ZFP91: variants seen among roughly 807,000 people sequenced by gnomAD.
The protein encoded by ZFP91 is ZFP91 zinc finger protein, atypical E3 ubiquitin ligase.
ZFP91 carries 7 observed loss-of-function variants against 63.5 expected under a neutral mutation model. That is an observed-to-expected ratio of 0.11 (90% confidence interval 0.06 to 0.21). The LOEUF (loss-of-function observed/expected upper bound fraction) is 0.21, where lower values mean the gene tolerates loss of function less well. Ranked by LOEUF, ZFP91 falls within the 10% of genes least tolerant of loss-of-function variation. The pLI is 1.00. For missense variants in ZFP91, 628 were observed against 736.6 expected (o/e 0.85, Z 1.71); for synonymous variants, 330 against 272.1 (o/e 1.21, Z -2.10).
At chr11:58,608,548 C>T (rs947068956) in intron 2 of ZFP91, among the ~76,000 whole-genome samples, 2 of 152,014 alleles carry the variant, frequency 1.3e-5, no homozygotes, top group African/African-American at 2.4e-5. Flanking sequence ...TGGTGTCATG[C>T]TATCGTTTTC....
chr11:58,610,828 A>T, intron 4 of ZFP91, 122 bp from the exon 5 acceptor site: 1 of 731,080 alleles, frequency 1.4e-6, no homozygotes, highest in Non-Finnish European at 2.1e-6. Context: ...TTAGGTCATT[A>T]GGATGAAAAT....
chr11:58,594,342 A>G (rs1202368370), intron 2 of ZFP91, among the ~76,000 whole-genome samples: 1 of 152,188 alleles, frequency 6.6e-6, no homozygotes, highest in Non-Finnish European at 1.5e-5. Flanking sequence ...AGAGTTCACC[A>G]TATTTATTTA....
intron 1 of ZFP91, among the ~76,000 whole-genome samples, chr11:58,582,426 G>A (rs528825413): frequency 2.0e-5 from 3 of 152,200 alleles, no homozygotes; most frequent in South Asian, 2.1e-4. Context: ...TTACTTGTTC[G>A]CGCTAGTCCT....
chr11:58,593,519 G>A (rs1356119395), intron 2 of ZFP91, among the ~76,000 whole-genome samples: 2 of 152,120 alleles, frequency 1.3e-5, no homozygotes, highest in Non-Finnish European at 2.9e-5. Context: ...AACTGCTGCT[G>A]GAAGAGAGAA....
At chr11:58,579,729 C>A in intron 1 of ZFP91, 107 bp downstream of exon 1, 1 of 1,101,562 alleles carries the variant, frequency 9.1e-7, no homozygotes, top group Non-Finnish European at 1.2e-6. Flanking sequence ...TGGTCTGCCC[C>A]CTGCCGGCTC....
chr11:58,590,473 C>T (rs1855285490), intron 2 of ZFP91, among the ~76,000 whole-genome samples: 2 of 152,092 alleles, frequency 1.3e-5, no homozygotes, highest in Admixed American at 1.3e-4. Flanking sequence ...TTCCAAAATC[C>T]TGAAGGCAGT....
intron 2 of ZFP91, among the ~76,000 whole-genome samples, chr11:58,595,966 A>G (rs546022386): frequency 1.3e-5 from 2 of 152,246 alleles, no homozygotes; most frequent in Admixed American, 6.5e-5. Flanking sequence ...CTTGAACAAC[A>G]TGGTAGGGTT....
chr11:58,587,579 T>C (rs1428242668), intron 2 of ZFP91, among the ~76,000 whole-genome samples: 1 of 152,170 alleles, frequency 6.6e-6, no homozygotes, highest in Non-Finnish European at 1.5e-5. Context: ...TCCAAGAGTG[T>C]TAGTAGAAAT....
Position 58,617,742 on chromosome 11 carries a change from C to T in ZFP91, c.*36C>T, listed in dbSNP as rs201747536. The T allele has an allele frequency of 1.7e-5, 25 of 1,447,050 alleles. No individual in the cohort carries two copies. The highest frequency in any genetic ancestry group is 2.3e-5 in the Non-Finnish European group (25 of 1,101,086). 89.6% of individuals were successfully genotyped at this position (1,447,050 alleles called of 1,614,324 possible). On this transcript the variant is annotated 3_prime_UTR_variant, in exon 11 of 11. Coordinates refer to ENST00000316059, the MANE Select transcript of ZFP91 (RefSeq NM_053023.5). The surrounding 1 kb of genome is among the most constrained non-coding windows in gnomAD (Gnocchi z 4.2). ...GACTTGGGGCATGGGACAGCTCAGA[C>T]TTTGTATTTAAAAGTTAAAAAGGAC...
chr11:58,619,582 C>T lies in ZFP91; in HGVS notation c.*1876C>T, dbSNP rs1855812418. ...AAAGAGGAGTAACAAAATGTCATTT[C>T]TGAAAGAGGCTTACTTTATACCAAC... On this transcript the variant is annotated 3_prime_UTR_variant, in exon 11 of 11. Coordinates refer to ENST00000316059, the MANE Select transcript of ZFP91 (RefSeq NM_053023.5). The T allele has an allele frequency of 6.6e-6, 1 of 152,404 alleles. No individual in the cohort carries two copies. Among genetic ancestry groups the T allele is most frequent in the Admixed American group, 6.6e-5 (1 of 15,252 alleles). The allele number at this position is 152,404 out of a possible 1,614,324, so 9.4% of individuals were successfully genotyped here. A position where few individuals can be genotyped will look rare whatever the true frequency, so the allele number is the denominator to read the frequency against.
intron 2 of ZFP91, among the ~76,000 whole-genome samples, chr11:58,597,939 G>C (rs1039318497): frequency 2.6e-5 from 4 of 152,042 alleles, no homozygotes; most frequent in African/African-American, 9.7e-5. Flanking sequence ...TGTTAGTCAA[G>C]GTTTCAGGTA....
In ZFP91 at chr11:58,619,339, G is replaced by A. The variant is rs1357060200; in HGVS notation, c.*1633G>A. On this transcript the variant is annotated 3_prime_UTR_variant, in exon 11 of 11. Transcript: ENST00000316059. ...TTTGTACAAGGTCATACCGCCAGAAGCCCCAAATCCTATTTTGGCTCATCT... is the reference window on the plus strand; with the variant it reads ...TTTGTACAAGGTCATACCGCCAGAAACCCCAAATCCTATTTTGGCTCATCT... The A allele has an allele frequency of 2.0e-5, 3 of 152,164 alleles. No homozygotes were observed. Among genetic ancestry groups the A allele is most frequent in the Non-Finnish European group, 4.4e-5 (3 of 68,062 alleles). 9.4% of individuals were successfully genotyped at this position (152,164 alleles called of 1,614,324 possible). A position where few individuals can be genotyped will look rare whatever the true frequency, so the allele number is the denominator to read the frequency against.
At chr11:58,615,865 T>G (rs1028254569) in intron 9 of ZFP91, among the ~76,000 whole-genome samples, 3 of 152,224 alleles carry the variant, frequency 2.0e-5, no homozygotes, top group Non-Finnish European at 4.4e-5. Flanking sequence ...CATGTTTTCA[T>G]TCTCATTAAT....
At position 58,617,222 on chromosome 11, in the gene ZFP91, G is replaced by A. The variant is rs1855764455; in HGVS notation, c.1229G>A (p.Arg410Gln). The A allele has an allele frequency of 6.3e-7, 1 of 1,599,296 alleles. No individual in the cohort carries two copies. Among genetic ancestry groups the A allele is most frequent in the Non-Finnish European group, 8.5e-7 (1 of 1,173,704 alleles). ...TGTGAGATCTGTGGATTTACTTGTC[G>A]ACAAAAGGCATCTCTTAATTGGCAC... The part of the protein sequence containing the change: ...LQCEICGFTC[R>Q]QKASLNWHMK... Residue 410 changes from arginine (R) to glutamine (Q), a missense_variant, in exon 11 of 11, where the codon CGA becomes CAA. Arg to Gln is a conservative substitution (Grantham distance 43). Coordinates refer to ENST00000316059, the MANE Select transcript of ZFP91 (RefSeq NM_053023.5). This position sits in a 1 kb window ranked among gnomAD's most constrained non-coding sequence, Gnocchi z 4.2.
chr11:58,613,830 C>T (rs1376551136), intron 8 of ZFP91, among the ~76,000 whole-genome samples: 2 of 152,102 alleles, frequency 1.3e-5, no homozygotes, highest in Admixed American at 6.6e-5. Flanking sequence ...TAACATGACA[C>T]GAAGGCCTTC....
intron 2 of ZFP91, among the ~76,000 whole-genome samples, chr11:58,608,893 G>A (rs2509919): frequency 0.45 from 67,741 of 151,952 alleles, 15,333 homozygotes; most frequent in Middle Eastern, 0.57. Context: ...GTGAGCCACT[G>A]AGCCCGGCCT....
At chr11:58,604,347 A>C (rs1190060787) in intron 2 of ZFP91, among the ~76,000 whole-genome samples, 1 of 152,198 alleles carries the variant, frequency 6.6e-6, no homozygotes, top group African/African-American at 2.4e-5. Context: ...GTTAGCAGCT[A>C]TAAGCCAAGT....
At chr11:58,602,812 A>G (rs915505913) in intron 2 of ZFP91, among the ~76,000 whole-genome samples, 1 of 152,134 alleles carries the variant, frequency 6.6e-6, no homozygotes, top group African/African-American at 2.4e-5. Context: ...GGATTGGGTA[A>G]TGGATATTGG....
chr11:58,610,780 A>G (rs535046428), intron 4 of ZFP91, among the ~76,000 whole-genome samples, 170 bp from the exon 5 acceptor site: 1 of 152,106 alleles, frequency 6.6e-6, no homozygotes, highest in African/African-American at 2.4e-5. Flanking sequence ...AGTTTCAATT[A>G]TTATTCTTTG....
Sources: gnomAD v4.1 joint callset for allele counts (sites outside exome capture counted in the v4.1 genomes callset) on GRCh38, gnomAD v4.1.1 for gene constraint, Gnocchi (gnomAD v3.1) non-coding constraint, MANE v1.5 for transcripts, NCBI Gene and HGNC (gene_info 2026-07-23, HGNC 2026-07-21) for gene names.